Variants in KCNB2 observed in about 807,000 individuals in gnomAD.
The protein encoded by KCNB2 is potassium voltage-gated channel subfamily B member 2, also known as delayed rectifier potassium channel protein.
KCNB2 carries 15 observed loss-of-function variants against 61.5 expected under a neutral mutation model. The ratio of observed to expected loss-of-function variants is 0.24; its 90% CI spans 0.16 to 0.38. KCNB2 has a LOEUF of 0.38. Among genes scored for constraint, KCNB2 ranks in the 10% least tolerant of loss-of-function variants. The pLI is 1.00. For synonymous variants in KCNB2, 457 were observed against 446.0 expected, an observed-to-expected ratio of 1.02 and a Z score of -0.31; for missense variants, 828 against 1,125.2, an observed-to-expected ratio of 0.74 and a Z score of 3.78.
intron 2 of KCNB2, among the ~76,000 whole-genome samples, chr8:72,799,960 T>C (rs1809096671): frequency 6.6e-6 from 1 of 152,092 alleles, no homozygotes; most frequent in Non-Finnish European, 1.5e-5. Flanking sequence ...CTGGTCCATG[T>C]GCAAAAGGGA....
At position 72,936,373 on chromosome 8, in the gene KCNB2, T is replaced by C. The variant is rs1424878265; in HGVS notation, c.1018T>C (p.Leu340=). Residue 340 remains leucine, a synonymous_variant, in exon 3 of 3, where the codon TTG becomes CTG. Transcript: ENST00000523207. The surrounding 1 kb of genome is among the most constrained non-coding windows in gnomAD (Gnocchi z 5.6). Reference sequence around the variant, plus strand: ...TTACAATGAATTGGGCTTGTTGATATTGTTTCTGGCCATGGGGATAATGAT... The same window carrying C: ...TTACAATGAATTGGGCTTGTTGATACTGTTTCTGGCCATGGGGATAATGAT... ...RSYNELGLLI[L]FLAMGIMIFS... 1.2e-6 allele frequency: 2 copies of C among 1,614,130 alleles called. No homozygotes were observed. Among genetic ancestry groups the C allele is most frequent in the Non-Finnish European group, 1.7e-6 (2 of 1,180,044 alleles).
chr8:72,711,675 T>C (rs1807329026), intron 2 of KCNB2, among the ~76,000 whole-genome samples: 1 of 152,174 alleles, frequency 6.6e-6, no homozygotes. Context: ...CACCGGGATC[T>C]TGAGGGGACC....
intron 2 of KCNB2, among the ~76,000 whole-genome samples, chr8:72,654,663 T>A (rs918721452): frequency 3.3e-5 from 5 of 152,180 alleles, no homozygotes; most frequent in African/African-American, 1.2e-4. Context: ...ATTCTTCAAG[T>A]ATTTGCTTTA....
intron 2 of KCNB2, among the ~76,000 whole-genome samples, chr8:72,577,463 G>A (rs1806816244): frequency 6.6e-6 from 1 of 152,130 alleles, no homozygotes; most frequent in African/African-American, 2.4e-5. Context: ...ATGCAACTTT[G>A]TCATCCAAAT....
chr8:72,847,853 A>G (rs554977851), intron 2 of KCNB2, among the ~76,000 whole-genome samples: 7 of 152,304 alleles, frequency 4.6e-5, no homozygotes, highest in African/African-American at 9.6e-5. Context: ...TAACCCAGAT[A>G]GTCATCTCAG....
intron 2 of KCNB2, among the ~76,000 whole-genome samples, chr8:72,839,613 T>C (rs1417723695): frequency 1.6e-5 from 2 of 126,854 alleles, no homozygotes; most frequent in African/African-American, 3.1e-5. Context: ...TTTTTTTTTT[T>C]TTTTTTTTTT....
chr8:72,798,243 T>G (rs1316023488), intron 2 of KCNB2, among the ~76,000 whole-genome samples: 2 of 152,182 alleles, frequency 1.3e-5, no homozygotes, highest in Non-Finnish European at 2.9e-5. Flanking sequence ...CTGTTATGTT[T>G]TAAGACTAGC....
chr8:72,809,018 C>T (rs1809265770), intron 2 of KCNB2, among the ~76,000 whole-genome samples: 1 of 152,118 alleles, frequency 6.6e-6, no homozygotes, highest in Non-Finnish European at 1.5e-5. Context: ...AAAAATGTTG[C>T]TTGCCATTTT....
intron 2 of KCNB2, among the ~76,000 whole-genome samples, chr8:72,788,154 G>C (rs1012338707): frequency 6.6e-6 from 1 of 152,190 alleles, no homozygotes; most frequent in African/African-American, 2.4e-5. Context: ...TATCAATTTA[G>C]ATATTTTATA....
At chr8:72,636,947 G>A (rs1461090402) in intron 2 of KCNB2, among the ~76,000 whole-genome samples, 1 of 152,086 alleles carries the variant, frequency 6.6e-6, no homozygotes, top group African/African-American at 2.4e-5. Context: ...CAAATCAGAG[G>A]CAGCCCCACA....
At chr8:72,747,983 T>C (rs1423077160) in intron 2 of KCNB2, among the ~76,000 whole-genome samples, 2 of 152,200 alleles carry the variant, frequency 1.3e-5, no homozygotes, top group African/African-American at 2.4e-5. Flanking sequence ...TCTTCAAAAC[T>C]GCTATTTACT....
chr8:72,597,482 G>A (rs1487034978), intron 2 of KCNB2, among the ~76,000 whole-genome samples: 1 of 152,174 alleles, frequency 6.6e-6, no homozygotes, highest in Non-Finnish European at 1.5e-5. Flanking sequence ...CCATAAGAAA[G>A]TTTCATGAAC....
chr8:72,685,288 AT>A (rs1806831630), intron 2 of KCNB2, among the ~76,000 whole-genome samples: 1 of 152,124 alleles, frequency 6.6e-6, no homozygotes, highest in South Asian at 2.1e-4. Flanking sequence ...GTTTTCAACA[AT>A]TTCAGGGTTT....
intron 1 of KCNB2, among the ~76,000 whole-genome samples, chr8:72,548,130 G>A (rs1053659638): frequency 8.6e-5 from 13 of 151,984 alleles, no homozygotes; most frequent in Non-Finnish European, 1.9e-4. Flanking sequence ...ATTTTTAATC[G>A]AAATAATATA....
At chr8:72,695,359 A>G (rs983105304) in intron 2 of KCNB2, among the ~76,000 whole-genome samples, 1 of 152,190 alleles carries the variant, frequency 6.6e-6, no homozygotes, top group Non-Finnish European at 1.5e-5. Flanking sequence ...TGTTTGCTTC[A>G]GTAATTTTCT....
intron 2 of KCNB2, among the ~76,000 whole-genome samples, chr8:72,762,759 C>T (rs1246875411): frequency 1.4e-4 from 22 of 151,782 alleles, no homozygotes; most frequent in Non-Finnish European, 1.5e-5. Context: ...CGATCTGTTC[C>T]AAGAAGCCTA....
chr8:72,917,402 A>AG (rs1806421533), intron 2 of KCNB2, among the ~76,000 whole-genome samples: 1 of 151,776 alleles, frequency 6.6e-6, no homozygotes, highest in Non-Finnish European at 1.5e-5. Flanking sequence ...TAAAAAGGCA[A>AG]AGGAGACAAT....
intron 2 of KCNB2, among the ~76,000 whole-genome samples, chr8:72,909,614 A>C (rs929396934): frequency 2.6e-5 from 4 of 152,108 alleles, no homozygotes; most frequent in African/African-American, 9.7e-5. Flanking sequence ...AGGAGCAAGA[A>C]ATGGGAGGAA....
At chr8:72,738,623 A>C (rs910473520) in intron 2 of KCNB2, among the ~76,000 whole-genome samples, 2 of 152,284 alleles carry the variant, frequency 1.3e-5, no homozygotes, top group East Asian at 3.9e-4. Context: ...GCCCTCTGCC[A>C]ATCCCTGGGA....
Sources: allele counts gnomAD v4.1 joint callset (sites outside exome capture counted in the v4.1 genomes callset), GRCh38; gene constraint gnomAD v4.1.1; non-coding constraint Gnocchi (gnomAD v3.1); transcripts MANE v1.5; gene names NCBI Gene and HGNC (gene_info 2026-07-23, HGNC 2026-07-21).